ALG9: variants seen among roughly 807,000 people sequenced by gnomAD.
ALG9 encodes ALG9 alpha-1,2-mannosyltransferase, also known as alpha-1,2-mannosyltransferase ALG9.
A neutral mutation model predicts 81.8 loss-of-function variants in ALG9; 55 were observed. The ratio of observed to expected loss-of-function variants is 0.67; its 90% CI spans 0.54 to 0.84. The LOEUF (loss-of-function observed/expected upper bound fraction) is 0.84. Among genes scored for constraint, ALG9 ranks in the 40% least tolerant of loss-of-function variants. The pLI is 0.00. For synonymous variants in ALG9, 278 were observed against 274.3 expected, an observed-to-expected ratio of 1.01 and a Z score of -0.13; for missense variants, 629 against 745.0, an observed-to-expected ratio of 0.84 and a Z score of 1.81.
intron 3 of ALG9, among the ~76,000 whole-genome samples, chr11:111,867,575 G>A (rs1054802772): frequency 6.6e-6 from 1 of 152,120 alleles, no homozygotes; most frequent in African/African-American, 2.4e-5. Flanking sequence ...TGCAATGGAC[G>A]GGGTCAGCAT....
chr11:111,839,756 A>G (rs1271070477), intron 10 of ALG9, among the ~76,000 whole-genome samples: 1 of 152,188 alleles, frequency 6.6e-6, no homozygotes, highest in African/African-American at 2.4e-5. Context: ...ATAAAGTTCA[A>G]TTACTTTTAT....
chr11:111,807,009 C>A lies in ALG9; in HGVS notation c.1733+2634G>T, dbSNP rs183395463. Among the ~76,000 whole-genome samples the A allele has an allele frequency of 6.6e-5, 10 of 152,290 alleles. No homozygotes were observed. In the East Asian group the frequency reaches 1.9e-3, roughly 29 times the overall value. On this transcript the variant is annotated intron_variant, in intron 14 of 14. Transcript: ENST00000616540. ...CTATATCCTCAGCATAACCACCGCT[C>A]ACTATCTCCATTGCCCTCTCCCTGA...
At chr11:111,788,658 T>C (rs1460069817) in intron 14 of ALG9, 26 of 361,742 alleles carry the variant, frequency 7.2e-5, no homozygotes, top group Non-Finnish European at 7.6e-5. Flanking sequence ...GCTGGTAGTA[T>C]GGCATGAGAC....
At chr11:111,867,699 G>C (rs959644141) in intron 3 of ALG9, among the ~76,000 whole-genome samples, 1 of 152,166 alleles carries the variant, frequency 6.6e-6, no homozygotes, top group Non-Finnish European at 1.5e-5. Flanking sequence ...CGGTATGACA[G>C]GTCATTTTCA....
intron 14 of ALG9, among the ~76,000 whole-genome samples, chr11:111,786,937 G>T (rs1555065173): frequency 6.6e-6 from 1 of 152,086 alleles, no homozygotes; most frequent in Non-Finnish European, 1.5e-5. Flanking sequence ...TCCTGGAAAG[G>T]GCAAGAAAAC....
chr11:111,783,679 T>A lies in ALG9; in HGVS notation c.*2718A>T, dbSNP rs1285863475. On this transcript the variant is annotated 3_prime_UTR_variant, in exon 15 of 15. Transcript: ENST00000616540. ...ATACTAAAAAGTGATGGAGATTTTT[T>A]AAAATGTGTTTATAAAATATCACAT... 4.6e-5 allele frequency: 7 copies of A among 152,172 alleles called. No homozygotes were observed. Among genetic ancestry groups the A allele is most frequent in the South Asian group, 4.1e-4 (2 of 4,824 alleles). 9.4% of individuals were successfully genotyped at this position (152,172 alleles called of 1,614,324 possible). A position where few individuals can be genotyped will look rare whatever the true frequency, so the allele number is the denominator to read the frequency against.
At position 111,837,551 on chromosome 11, in the gene ALG9, G is replaced by A. The variant is rs1955518415; in HGVS notation, c.1389C>T (p.His463=). Residue 463 remains histidine (H), a synonymous_variant, in exon 12 of 15, where the codon CAC becomes CAT. Coordinates refer to ENST00000616540, the MANE Select transcript of ALG9 (RefSeq NM_024740.2). ...TCACAGGTCTGCCTTCTGGGACAGT[G>A]TGGATGGTTGGGTCTGTAGCAATTC... ...FYRIATDPTI[H]TVPEGRPVNV... 1 of 1,614,104 alleles carries A rather than the reference G, an allele frequency of 6.2e-7. No individual in the cohort carries two copies. The highest frequency in any genetic ancestry group is 8.5e-7 in the Non-Finnish European group (1 of 1,179,944).
intron 13 of ALG9, among the ~76,000 whole-genome samples, chr11:111,823,834 G>A (rs1952814472): frequency 6.6e-6 from 1 of 152,166 alleles, no homozygotes; most frequent in African/African-American, 2.4e-5. Flanking sequence ...AATCAATTGT[G>A]GCACTCTTCC....
chr11:111,868,103 T>G (rs1040342387), intron 3 of ALG9, among the ~76,000 whole-genome samples: 4 of 152,156 alleles, frequency 2.6e-5, no homozygotes, highest in African/African-American at 7.2e-5. Context: ...CTTTCCAAAT[T>G]TGGCAAAAGG....
At chr11:111,831,307 C>T (rs1347838669) in intron 13 of ALG9, among the ~76,000 whole-genome samples, 3 of 152,146 alleles carry the variant, frequency 2.0e-5, no homozygotes, top group African/African-American at 4.8e-5. Flanking sequence ...TCCCAAAGTG[C>T]TGAGATTGCA....
chr11:111,768,036 G>T, the ALG9 span, among the ~76,000 whole-genome samples: 1 of 152,276 alleles, frequency 6.6e-6, no homozygotes, highest in South Asian at 2.1e-4. Context: ...GTGTTTTAGT[G>T]CTGCTTTTAT....
At chr11:111,770,234 A>G in the ALG9 span, among the ~76,000 whole-genome samples, 1 of 152,204 alleles carries the variant, frequency 6.6e-6, no homozygotes, top group Non-Finnish European at 1.5e-5. Context: ...GACCTACTGA[A>G]TTAGAGTCCT....
intron 14 of ALG9, among the ~76,000 whole-genome samples, chr11:111,795,302 G>GC (rs1555074303): frequency 1.3e-5 from 2 of 152,016 alleles, no homozygotes; most frequent in Non-Finnish European, 2.9e-5. Context: ...ATAATCTAAA[G>GC]TTTTTTTTCT....
At chr11:111,844,515 G>A (rs1322581850) in intron 9 of ALG9, 86 bp downstream of exon 9, 1 of 1,574,280 alleles carries the variant, frequency 6.4e-7, no homozygotes, top group Non-Finnish European at 8.7e-7. Flanking sequence ...GGAAAATAAA[G>A]TAAGTAGGAT....
At chr11:111,798,180 G>T in intron 14 of ALG9, 1 of 306,194 alleles carries the variant, frequency 3.3e-6, no homozygotes, top group Non-Finnish European at 6.5e-6. Context: ...TCTAGCCTGG[G>T]CAACAGAGCG....
intron 8 of ALG9, among the ~76,000 whole-genome samples, chr11:111,849,977 G>A (rs1957510208): frequency 6.6e-6 from 1 of 152,102 alleles, no homozygotes; most frequent in African/African-American, 2.4e-5. Flanking sequence ...GTAATAAAGT[G>A]AAAGAGCTAG....
intron 14 of ALG9, among the ~76,000 whole-genome samples, chr11:111,791,029 T>C (rs565253407): frequency 2.0e-5 from 3 of 152,328 alleles, no homozygotes; most frequent in Non-Finnish European, 4.4e-5. Context: ...TTTGCTATGA[T>C]TAAAAATTTC....
intron 14 of ALG9, among the ~76,000 whole-genome samples, chr11:111,797,352 T>C (rs973283279): frequency 6.6e-6 from 1 of 152,210 alleles, no homozygotes; most frequent in African/African-American, 2.4e-5. Flanking sequence ...GACACATAGG[T>C]GTTCTGGCTG....
chr11:111,850,327 A>C (rs1302656644), intron 8 of ALG9, among the ~76,000 whole-genome samples: 3 of 152,156 alleles, frequency 2.0e-5, no homozygotes, highest in Admixed American at 2.0e-4. Flanking sequence ...TAAGTCTGGA[A>C]TATACAAGGA....
Sources: allele counts gnomAD v4.1 joint callset (sites outside exome capture counted in the v4.1 genomes callset), GRCh38; gene constraint gnomAD v4.1.1; transcripts MANE v1.5; gene names NCBI Gene and HGNC (gene_info 2026-07-23, HGNC 2026-07-21).